C8orf34: variants seen among roughly 807,000 people sequenced by gnomAD.
C8orf34 encodes chromosome 8 open reading frame 34, also known as uncharacterized protein C8orf34.
In C8orf34, 65 loss-of-function variants were observed where a neutral mutation model predicts 68.3. The observed-to-expected ratio is 0.95, with a 90% CI of 0.78 to 1.17. The LOEUF (loss-of-function observed/expected upper bound fraction) is 1.17, where lower values mean the gene tolerates loss of function less well. Among genes scored for constraint, C8orf34 ranks in the 50% most tolerant of loss-of-function variants. C8orf34 has a pLI of 0.00. For missense variants in C8orf34, 664 were observed against 655.4 expected, an observed-to-expected ratio of 1.01 and a Z score of -0.14; for synonymous variants, 244 against 241.2, an observed-to-expected ratio of 1.01 and a Z score of -0.11.
At chr8:68,447,223 G>A (rs1196929914) in intron 3 of C8orf34, 2 of 152,158 alleles carry the variant, frequency 1.3e-5, no homozygotes, top group Non-Finnish European at 2.9e-5. Context: ...AACAGAGTGA[G>A]AAGTCACTCC....
chr8:68,485,660 C>T (rs1381295384), intron 4 of C8orf34, among the ~76,000 whole-genome samples: 2 of 150,490 alleles, frequency 1.3e-5, no homozygotes, highest in Admixed American at 6.6e-5. Flanking sequence ...TGCAGTGAGC[C>T]GAGATCCAGC....
intron 1 of C8orf34, among the ~76,000 whole-genome samples, chr8:68,412,971 C>T (rs2129622359): frequency 6.6e-6 from 1 of 152,276 alleles, no homozygotes; most frequent in South Asian, 2.1e-4. Context: ...TTCCTTGCCC[C>T]TCTCTCAGTT....
In C8orf34 at chr8:68,818,424, C is replaced by G; in HGVS notation, c.*178C>G. On this transcript the variant is annotated 3_prime_UTR_variant, in exon 14 of 14. Coordinates refer to ENST00000518698, the MANE Select transcript of C8orf34 (RefSeq NM_052958.4). ...TGCCCAAGTATGTAATCAGAGAACA[C>G]TAATCCTGGCAAAGGATTGTGGGGT... is the stretch of plus-strand genomic sequence containing the variant. 1.5e-6 allele frequency: 1 copy of G among 648,518 alleles called. No individual in the cohort carries two copies. Among genetic ancestry groups the G allele is most frequent in the South Asian group, 2.4e-5 (1 of 42,340 alleles). 40.2% of individuals were successfully genotyped at this position (648,518 alleles called of 1,614,324 possible). A position where few individuals can be genotyped will look rare whatever the true frequency, so the allele number is the denominator to read the frequency against.
At chr8:68,402,162 C>T in intron 1 of C8orf34, among the ~76,000 whole-genome samples, 1 of 152,010 alleles carries the variant, frequency 6.6e-6, no homozygotes, top group Non-Finnish European at 1.5e-5. Flanking sequence ...GAATTTATTT[C>T]TTTCCTGTGG....
intron 10 of C8orf34, among the ~76,000 whole-genome samples, chr8:68,760,211 T>TG (rs930257773): frequency 6.6e-6 from 1 of 152,088 alleles, no homozygotes; most frequent in African/African-American, 2.4e-5. Flanking sequence ...AATTAGGTGA[T>TG]GGGGGGCCGT....
intron 9 of C8orf34, among the ~76,000 whole-genome samples, chr8:68,714,109 C>A (rs946056529): frequency 1.3e-5 from 2 of 152,150 alleles, no homozygotes; most frequent in African/African-American, 2.4e-5. Flanking sequence ...CATTAAAACC[C>A]TCAGCAAAAT....
rs560563516 is a variant in C8orf34, at chr8:68,737,132, G to T, written c.1404+15695G>T. Among the ~76,000 whole-genome samples the T allele has an allele frequency of 2.2e-4, 34 of 152,166 alleles. 1 individual carries two copies. In the South Asian group the frequency reaches 6.9e-3, roughly 31 times the overall value. On this transcript the variant is annotated intron_variant, in intron 10 of 13. Coordinates refer to ENST00000518698, the MANE Select transcript of C8orf34 (RefSeq NM_052958.4). ...AAGGTCTTAGTATCTCCAAGGCATG[G>T]CTAAAACATGCTTCTAGAACAGGGT...
intron 7 of C8orf34, among the ~76,000 whole-genome samples, chr8:68,592,189 A>G (rs1185543713): frequency 1.3e-5 from 2 of 152,012 alleles, no homozygotes; most frequent in South Asian, 2.1e-4. Flanking sequence ...TTCTTTCTCC[A>G]TACTCTCCAT....
intron 5 of C8orf34, among the ~76,000 whole-genome samples, chr8:68,517,721 C>T (rs1368134492): frequency 6.6e-6 from 1 of 152,152 alleles, no homozygotes; most frequent in Non-Finnish European, 1.5e-5. Flanking sequence ...AAACCTTTTT[C>T]ACTCTTTGGC....
chr8:68,772,864 CTTCT>C (rs1456285391), intron 10 of C8orf34, among the ~76,000 whole-genome samples: 2 of 141,816 alleles, frequency 1.4e-5, no homozygotes, highest in South Asian at 4.4e-4. Context: ...TCCTTCCTTC[CTTCT>C]TTCCTTCCTT....
intron 7 of C8orf34, among the ~76,000 whole-genome samples, chr8:68,605,734 C>T (rs1817835067): frequency 6.6e-6 from 1 of 152,082 alleles, no homozygotes; most frequent in Non-Finnish European, 1.5e-5. Flanking sequence ...AGGAATCAAT[C>T]CCTGGAGCAC....
intron 1 of C8orf34, among the ~76,000 whole-genome samples, chr8:68,374,248 A>AT (rs201018321): frequency 3.3e-5 from 5 of 151,868 alleles, no homozygotes; most frequent in African/African-American, 9.7e-5. Context: ...GTACTTTAGA[A>AT]TTTTTTTTAA....
chr8:68,764,400 G>A (rs1397147653), intron 10 of C8orf34, among the ~76,000 whole-genome samples: 4 of 152,214 alleles, frequency 2.6e-5, no homozygotes, highest in African/African-American at 9.6e-5. Flanking sequence ...TTAAGGTTGG[G>A]TCTGTGGAGT....
chr8:68,785,747 A>C (rs542444453), intron 11 of C8orf34, among the ~76,000 whole-genome samples: 2 of 152,264 alleles, frequency 1.3e-5, no homozygotes, highest in Non-Finnish European at 2.9e-5. Flanking sequence ...GATTTTGACA[A>C]ATGCTTAGTG....
intron 12 of C8orf34, chr8:68,791,375 G>A (rs1446908205): frequency 6.4e-6 from 1 of 157,176 alleles, no homozygotes; most frequent in Non-Finnish European, 1.4e-5. Context: ...CTCCCACCAG[G>A]CCCCTCTTCT....
At chr8:68,571,617 A>C (rs1448412938) in intron 7 of C8orf34, among the ~76,000 whole-genome samples, 1 of 152,180 alleles carries the variant, frequency 6.6e-6, no homozygotes, top group African/African-American at 2.4e-5. Context: ...AAAGAGGAGG[A>C]AAAATTCTTT....
chr8:68,625,635 T>A (rs1282127735), intron 7 of C8orf34: 1 of 701,822 alleles, frequency 1.4e-6, no homozygotes, highest in East Asian at 2.7e-5. Flanking sequence ...GCATGTGGCT[T>A]GCATCTCAGC....
intron 1 of C8orf34, among the ~76,000 whole-genome samples, chr8:68,346,457 C>G (rs1054190594): frequency 6.6e-6 from 1 of 151,952 alleles, no homozygotes; most frequent in Non-Finnish European, 1.5e-5. Context: ...TCCTTATTAC[C>G]CAAAGTCTGT....
Position 68,659,603 on chromosome 8 carries a change from A to G in C8orf34, c.1241+19092A>G, listed in dbSNP as rs539465565. The stretch of plus-strand genomic sequence containing the variant: ...CTCCAAATTTTGTTCACAGGAGTAT[A>G]CCTTACTCCACTGCTAAAGAGTATA... On this transcript the variant is annotated intron_variant, in intron 8 of 13. Transcript: ENST00000518698. Among the ~76,000 whole-genome samples, 19 of 152,300 alleles carry G rather than the reference A, an allele frequency of 1.2e-4. No homozygotes were observed. In the South Asian group the frequency reaches 3.9e-3, roughly 32 times the overall value.
Sources: gnomAD v4.1 joint callset for allele counts (sites outside exome capture counted in the v4.1 genomes callset) on GRCh38, gnomAD v4.1.1 for gene constraint, MANE v1.5 for transcripts, NCBI Gene and HGNC (gene_info 2026-07-23, HGNC 2026-07-21) for gene names.